Variants in CTIF observed in about 807,000 individuals in gnomAD.
CTIF encodes CBP80/20-dependent translation initiation factor.
CTIF carries 21 observed loss-of-function variants against 66.0 expected under a neutral mutation model. The observed-to-expected ratio is 0.32, with a 90% CI of 0.23 to 0.46. The LOEUF is 0.46. CTIF is among the 20% of genes least tolerant of loss of function. CTIF has a pLI of 1.00. For missense variants in CTIF, 739 were observed against 812.7 expected (o/e 0.91, Z 1.10); for synonymous variants, 345 against 326.4 (o/e 1.06, Z -0.62).
chr18:48,781,130 T>C (rs1158629182), intron 9 of CTIF, among the ~76,000 whole-genome samples: 1 of 152,190 alleles, frequency 6.6e-6, no homozygotes, highest in Admixed American at 6.5e-5. Context: ...CAAAAGTTTG[T>C]CCTCTGGACT....
At chr18:48,857,020 G>A (rs2069343603) in intron 10 of CTIF, among the ~76,000 whole-genome samples, 1 of 152,210 alleles carries the variant, frequency 6.6e-6, no homozygotes, top group African/African-American at 2.4e-5. Flanking sequence ...CCCAGCCATG[G>A]CCCTAGTTAG....
At chr18:48,553,626 A>G (rs1179781403) in intron 1 of CTIF, among the ~76,000 whole-genome samples, 1 of 151,690 alleles carries the variant, frequency 6.6e-6, no homozygotes, top group Non-Finnish European at 1.5e-5. Context: ...ACTGGAAAAG[A>G]GGTTGAGTGA....
intron 6 of CTIF, among the ~76,000 whole-genome samples, chr18:48,700,554 G>C (rs2092070193): frequency 6.6e-6 from 1 of 152,224 alleles, no homozygotes; most frequent in East Asian, 1.9e-4. Context: ...CTCCCTCCCT[G>C]CTACCCACAG....
intron 3 of CTIF, among the ~76,000 whole-genome samples, chr18:48,642,363 C>T (rs1158922397): frequency 6.6e-6 from 1 of 151,928 alleles, no homozygotes; most frequent in Non-Finnish European, 1.5e-5. Flanking sequence ...TGAGGCCTGA[C>T]CTATGCCTTT....
intron 9 of CTIF, among the ~76,000 whole-genome samples, chr18:48,788,081 C>A (rs963935873): frequency 5.3e-5 from 8 of 152,166 alleles, no homozygotes; most frequent in Admixed American, 3.9e-4. Context: ...TGGGACCCCC[C>A]CTTTCAGAGT....
intron 9 of CTIF, among the ~76,000 whole-genome samples, chr18:48,770,700 C>T (rs1910021075): frequency 6.6e-6 from 1 of 152,272 alleles, no homozygotes; most frequent in South Asian, 2.1e-4. Context: ...ACGCTGAGGC[C>T]TGAGGAGTAG....
chr18:48,621,168 C>T lies in CTIF; in HGVS notation c.180+1423C>T, dbSNP rs1197295453. Among the ~76,000 whole-genome samples the T allele has an allele frequency of 2.0e-5, 3 of 152,070 alleles. No homozygotes were observed. The East Asian group carries it at 5.8e-4, about 29-fold the overall frequency. On this transcript the variant is annotated intron_variant, in intron 2 of 11. Coordinates refer to ENST00000256413, the MANE Select transcript of CTIF (RefSeq NM_014772.3). ...GCCCTGCCCTCATGGACTGTGTATTCTACTCGTGGATGATCATTGCGATGG... is the reference window on the plus strand; with the variant it reads ...GCCCTGCCCTCATGGACTGTGTATTTTACTCGTGGATGATCATTGCGATGG...
chr18:48,727,476 G>A (rs1260239545), intron 7 of CTIF, among the ~76,000 whole-genome samples: 1 of 152,162 alleles, frequency 6.6e-6, no homozygotes, highest in Non-Finnish European at 1.5e-5. Flanking sequence ...GGAGGTCCAA[G>A]AGCTTCTTTA....
chr18:48,617,713 C>T (rs150151652), intron 1 of CTIF, among the ~76,000 whole-genome samples: 65 of 152,348 alleles, frequency 4.3e-4, no homozygotes, highest in African/African-American at 1.5e-3. Context: ...ATAGCCCAAT[C>T]CCAGCTGACT....
intron 1 of CTIF, among the ~76,000 whole-genome samples, chr18:48,598,222 A>G (rs2090022659): frequency 6.6e-6 from 1 of 152,256 alleles, no homozygotes; most frequent in East Asian, 1.9e-4. Context: ...AACCTAAGGA[A>G]CATCACAGGC....
intron 6 of CTIF, among the ~76,000 whole-genome samples, chr18:48,709,148 C>T (rs2092195134): frequency 6.6e-6 from 1 of 152,216 alleles, no homozygotes; most frequent in Non-Finnish European, 1.5e-5. Flanking sequence ...AACTGAGGCA[C>T]ATAGAGGTTA....
chr18:48,562,813 G>T (rs757332262), intron 1 of CTIF, among the ~76,000 whole-genome samples: 10 of 152,194 alleles, frequency 6.6e-5, no homozygotes, highest in Non-Finnish European at 1.0e-4. Context: ...GTAACTGAAA[G>T]GAAGACATAT....
chr18:48,692,348 A>C (rs1044390806), intron 6 of CTIF, among the ~76,000 whole-genome samples: 1 of 127,778 alleles, frequency 7.8e-6, no homozygotes, highest in Non-Finnish European at 1.5e-5. Context: ...AAAAAAAAAA[A>C]ACCACCCTTA....
intron 3 of CTIF, among the ~76,000 whole-genome samples, chr18:48,646,902 A>AT (rs2091044819): frequency 1.7e-4 from 2 of 12,072 alleles, no homozygotes; most frequent in Admixed American, 1.9e-3. Context: ...TGGCAGTTTC[A>AT]AAAAAAAAAA....
At chr18:48,566,256 C>A (rs1032175974) in intron 1 of CTIF, 1 of 152,270 alleles carries the variant, frequency 6.6e-6, no homozygotes, top group Non-Finnish European at 1.5e-5. Context: ...TTCATTCATT[C>A]ATTCATTCAG....
At chr18:48,715,566 C>T (rs1251728705) in intron 7 of CTIF, among the ~76,000 whole-genome samples, 1 of 152,148 alleles carries the variant, frequency 6.6e-6, no homozygotes, top group Admixed American at 6.5e-5. Flanking sequence ...GAAGAGCAAG[C>T]TCACTAGAGG....
intron 11 of CTIF, 32 bp downstream of exon 11, chr18:48,857,673 C>G: frequency 6.3e-7 from 1 of 1,588,028 alleles, no homozygotes; most frequent in Non-Finnish European, 8.6e-7. Flanking sequence ...TCCCCAACCT[C>G]AAAGCCGGTG....
chr18:48,854,452 T>G (rs2069279911), intron 10 of CTIF, among the ~76,000 whole-genome samples: 1 of 152,076 alleles, frequency 6.6e-6, no homozygotes, highest in Non-Finnish European at 1.5e-5. Context: ...TAGAAATGAT[T>G]TCTCCCTGGC....
intron 9 of CTIF, among the ~76,000 whole-genome samples, chr18:48,784,412 A>C (rs1248550795): frequency 6.6e-6 from 1 of 152,216 alleles, no homozygotes; most frequent in Admixed American, 6.5e-5. Flanking sequence ...TATAGTGTGC[A>C]CTGGGGGCTG....
Sources: gnomAD v4.1 joint callset for allele counts (sites outside exome capture counted in the v4.1 genomes callset) on GRCh38, gnomAD v4.1.1 for gene constraint, MANE v1.5 for transcripts, NCBI Gene and HGNC (gene_info 2026-07-23, HGNC 2026-07-21) for gene names.